Variants in ELAVL1 observed in about 807,000 individuals in gnomAD.
ELAVL1 encodes the protein ELAV-like protein 1.
A neutral mutation model predicts 28.4 loss-of-function variants in ELAVL1; 1 was observed. The observed-to-expected ratio is 0.04, with a 90% CI of 0.01 to 0.17. The LOEUF (loss-of-function observed/expected upper bound fraction) is 0.17. Among genes scored for constraint, ELAVL1 ranks in the 10% least tolerant of loss-of-function variants. The probability of loss-of-function intolerance (pLI) is 1.00; values close to 1 mark genes in which losing one functional copy is unlikely to be tolerated. For synonymous variants in ELAVL1, 174 were observed against 183.5 expected (o/e 0.95, Z 0.42); for missense variants, 157 against 447.2 (o/e 0.35, Z 5.85).
intron 4 of ELAVL1, among the ~76,000 whole-genome samples, chr19:7,970,309 C>T (rs905806546): frequency 1.3e-5 from 2 of 152,254 alleles, no homozygotes; most frequent in Non-Finnish European, 2.9e-5. Context: ...GTGCCTGCCA[C>T]CATGCCTGGC....
intron 5 of ELAVL1, among the ~76,000 whole-genome samples, chr19:7,966,355 T>G (rs1984955969): frequency 6.6e-6 from 1 of 152,108 alleles, no homozygotes; most frequent in Non-Finnish European, 1.5e-5. Context: ...TCTCATCGCC[T>G]CTATCCCACT....
In ELAVL1 at chr19:7,958,845, T is replaced by C. The variant is rs2145193845; in HGVS notation, c.*4638A>G. 6.5e-6 allele frequency: 1 copy of C among 153,118 alleles called. No individual in the cohort carries two copies. The highest frequency in any genetic ancestry group is 1.9e-4 in the East Asian group (1 of 5,188). 9.5% of individuals were successfully genotyped at this position (153,118 alleles called of 1,614,324 possible). The stretch of plus-strand genomic sequence containing the variant: ...CATGTTTCCATTACATGTAAATATA[T>C]CAATTTGGCATCTCTATAAAAACTC... On this transcript the variant is annotated 3_prime_UTR_variant, in exon 6 of 6. Transcript: ENST00000407627.
At chr19:7,999,377 A>T (rs1485020826) in intron 1 of ELAVL1, among the ~76,000 whole-genome samples, 1 of 152,192 alleles carries the variant, frequency 6.6e-6, no homozygotes, top group Non-Finnish European at 1.5e-5. Context: ...TCTCAAAAAA[A>T]TAAAAAATAA....
At position 7,963,570 on chromosome 19, in the gene ELAVL1, G is replaced by A. The variant is rs138089315; in HGVS notation, c.894C>T (p.Ala298=). Residue 298 remains alanine (A), a synonymous_variant, in exon 6 of 6, where the codon GCC becomes GCT. Coordinates refer to ENST00000407627, the MANE Select transcript of ELAVL1 (RefSeq NM_001419.3). The surrounding 1 kb of genome is among the most constrained non-coding windows in gnomAD (Gnocchi z 4.5). ...GFVTMTNYEE[A]AMAIASLNGY... ...CGTTCAGGCTGGCTATGGCCATCGC[G>A]GCTTCTTCATAGTTTGTCATGGTCA... 3.2e-5 allele frequency: 52 copies of A among 1,614,108 alleles called. No individual in the cohort carries two copies. The highest frequency in any genetic ancestry group is 1.6e-4 in the Middle Eastern group (1 of 6,084).
chr19:8,001,144 T>C (rs2081066467), intron 1 of ELAVL1, among the ~76,000 whole-genome samples: 1 of 152,152 alleles, frequency 6.6e-6, no homozygotes, highest in South Asian at 2.1e-4. Flanking sequence ...TGAGTACCTG[T>C]CTCTAGTCCC....
At position 7,959,788 on chromosome 19, in the gene ELAVL1, C is replaced by T. The variant is rs917176796; in HGVS notation, c.*3695G>A. ...GTCTTGCGAAGTTTGGGGACAGGAA[C>T]CCCTGACCCCCAGAGTCAGCTAAAC... On this transcript the variant is annotated 3_prime_UTR_variant, in exon 6 of 6. Coordinates refer to ENST00000407627, the MANE Select transcript of ELAVL1 (RefSeq NM_001419.3). 3 of 152,068 alleles carry T rather than the reference C, an allele frequency of 2.0e-5. No homozygotes were observed. Among genetic ancestry groups the T allele is most frequent in the Non-Finnish European group, 4.4e-5 (3 of 68,034 alleles). The allele number at this position is 152,068 out of a possible 1,614,324, so 9.4% of individuals were successfully genotyped here.
intron 1 of ELAVL1, among the ~76,000 whole-genome samples, chr19:8,004,311 CAG>C (rs2081079508): frequency 6.6e-6 from 1 of 152,210 alleles, no homozygotes; most frequent in African/African-American, 2.4e-5. Flanking sequence ...TAAGGCTCAA[CAG>C]AGTCAAGCTT....
chr19:7,994,304 AGG>A (rs1985825393), intron 1 of ELAVL1, among the ~76,000 whole-genome samples: 1 of 137,036 alleles, frequency 7.3e-6, no homozygotes, highest in Non-Finnish European at 1.6e-5. Context: ...GGGTCGGGGG[AGG>A]GGGTGCTACT....
At chr19:7,980,528 T>C (rs1399006780) in intron 3 of ELAVL1, among the ~76,000 whole-genome samples, 1 of 150,750 alleles carries the variant, frequency 6.6e-6, no homozygotes, top group East Asian at 2.0e-4. Context: ...GAAGCCACTA[T>C]GGCCCTGCTG....
At chr19:7,976,455 G>A (rs973219480) in intron 3 of ELAVL1, among the ~76,000 whole-genome samples, 10 of 152,128 alleles carry the variant, frequency 6.6e-5, no homozygotes, top group East Asian at 1.9e-4. Flanking sequence ...AGAAAGGCGG[G>A]AAATGTGGAT....
intron 1 of ELAVL1, among the ~76,000 whole-genome samples, chr19:8,004,258 T>G (rs973270976): frequency 1.3e-5 from 2 of 152,204 alleles, no homozygotes; most frequent in Non-Finnish European, 2.9e-5. Flanking sequence ...CCTCTTCAAT[T>G]TGCACCACAC....
At chr19:7,971,426 T>G (rs1294307101) in intron 4 of ELAVL1, among the ~76,000 whole-genome samples, 2 of 152,268 alleles carry the variant, frequency 1.3e-5, no homozygotes, top group Admixed American at 1.3e-4. Context: ...GTGAGGTTGG[T>G]TCCCCCGGCC....
At chr19:7,984,707 T>C (rs1364589368) in intron 2 of ELAVL1, among the ~76,000 whole-genome samples, 1 of 152,054 alleles carries the variant, frequency 6.6e-6, no homozygotes, top group African/African-American at 2.4e-5. Context: ...CTCCTCTCTG[T>C]GGTAGGTGCC....
At chr19:7,973,672 C>T (rs1954559344) in intron 4 of ELAVL1, 53 bp downstream of exon 4, 4 of 1,574,394 alleles carry the variant, frequency 2.5e-6, no homozygotes, top group African/African-American at 1.4e-5. Flanking sequence ...CCTAGAAAAC[C>T]CAGCCCCCAC....
chr19:8,004,376 C>G (rs755413195), intron 1 of ELAVL1, among the ~76,000 whole-genome samples: 28 of 152,188 alleles, frequency 1.8e-4, no homozygotes, highest in Non-Finnish European at 3.1e-4. Flanking sequence ...GGAGGAAGAG[C>G]ATTTAGTTCA....
At chr19:7,975,485 G>C (rs1985255554) in intron 3 of ELAVL1, among the ~76,000 whole-genome samples, 1 of 152,244 alleles carries the variant, frequency 6.6e-6, no homozygotes, top group South Asian at 2.1e-4. Flanking sequence ...GCTAGAATCA[G>C]AACAGCTGGC....
intron 4 of ELAVL1, among the ~76,000 whole-genome samples, chr19:7,970,485 T>C (rs1229107990): frequency 1.3e-5 from 2 of 151,806 alleles, no homozygotes; most frequent in African/African-American, 4.8e-5. Context: ...TTTGCCATGT[T>C]GGCCAGGCAG....
intron 1 of ELAVL1, among the ~76,000 whole-genome samples, chr19:7,999,351 C>T (rs753635889): frequency 6.6e-5 from 10 of 152,110 alleles, no homozygotes; most frequent in African/African-American, 1.2e-4. Context: ...CCAGCCTGGG[C>T]AACAGAGTGA....
At chr19:7,980,111 C>T (rs1444090014) in intron 3 of ELAVL1, among the ~76,000 whole-genome samples, 2 of 152,218 alleles carry the variant, frequency 1.3e-5, no homozygotes, top group Non-Finnish European at 2.9e-5. Context: ...TAAAGGCTCA[C>T]ACAGGACCAC....
Sources: allele counts gnomAD v4.1 joint callset (sites outside exome capture counted in the v4.1 genomes callset), GRCh38; gene constraint gnomAD v4.1.1; non-coding constraint Gnocchi (gnomAD v3.1); transcripts MANE v1.5; gene names NCBI Gene and HGNC (gene_info 2026-07-23, HGNC 2026-07-21).